The following PDCD6IP variants were observed in gnomAD, a reference collection of about 807,000 sequenced individuals.
PDCD6IP encodes programmed cell death 6-interacting protein.
PDCD6IP carries 43 observed loss-of-function variants against 103.7 expected under a neutral mutation model. The ratio of observed to expected loss-of-function variants is 0.41; its 90% CI spans 0.32 to 0.53. The LOEUF is 0.53. Ranked by LOEUF, PDCD6IP falls within the 20% of genes least tolerant of loss-of-function variation. The pLI is 0.16. For synonymous variants in PDCD6IP, 354 were observed against 378.7 expected (o/e 0.93, Z 0.76); for missense variants, 871 against 1,036.7 (o/e 0.84, Z 2.20).
In PDCD6IP at chr3:33,798,690, G is replaced by A. The variant is rs747888688; in HGVS notation, c.-39G>A. 2 of 1,497,338 alleles carry A rather than the reference G, an allele frequency of 1.3e-6. No homozygotes were observed. The highest frequency in any genetic ancestry group is 1.8e-6 in the Non-Finnish European group (2 of 1,111,864). 92.8% of individuals were successfully genotyped at this position (1,497,338 alleles called of 1,614,324 possible). The stretch of plus-strand genomic sequence containing the variant: ...TCTCCTCGGCCCTCGTAAGCTGTCC[G>A]CGGTCTGTTTGGCCCGAACGGCGGC... On this transcript the variant is annotated 5_prime_UTR_variant, in exon 1 of 18. Coordinates refer to ENST00000307296, the MANE Select transcript of PDCD6IP (RefSeq NM_013374.6).
chr3:33,863,800 T>C (rs1019946608), intron 15 of PDCD6IP: 17 of 540,758 alleles, frequency 3.1e-5, no homozygotes, highest in Non-Finnish European at 4.9e-5. Flanking sequence ...TGGATCATAT[T>C]GTAGATCTAG....
Position 33,842,219 on chromosome 3 carries a change from C to G in PDCD6IP, c.1359+145C>G, listed in dbSNP as rs185009051. On this transcript the variant is annotated intron_variant, in intron 10 of 17. Coordinates refer to ENST00000307296, the MANE Select transcript of PDCD6IP (RefSeq NM_013374.6). ...TGAATTTACTGTGGCCCAGAGCCTT[C>G]TCTTTAGCATAAGAGAAATTCTGGT... The G allele has an allele frequency of 1.4e-3, 745 of 533,068 alleles. 7 individuals are homozygous for G. Among genetic ancestry groups the G allele is most frequent in the African/African-American group, 0.012 (647 of 52,698 alleles). The allele number at this position is 533,068 out of a possible 1,614,324, so 33.0% of individuals were successfully genotyped here.
At chr3:33,863,210 A>G (rs1022886389) in intron 15 of PDCD6IP, among the ~76,000 whole-genome samples, 1 of 152,216 alleles carries the variant, frequency 6.6e-6, no homozygotes, top group African/African-American at 2.4e-5. Flanking sequence ...TTGATACATG[A>G]ATACAATGCA....
intron 14 of PDCD6IP, among the ~76,000 whole-genome samples, chr3:33,854,392 G>T (rs1575941902): frequency 6.6e-6 from 1 of 152,158 alleles, no homozygotes. Context: ...TGACTTTTAT[G>T]TTCTCTGCGG....
intron 12 of PDCD6IP, among the ~76,000 whole-genome samples, chr3:33,850,731 C>T (rs556547363): frequency 2.0e-5 from 3 of 152,196 alleles, no homozygotes; most frequent in African/African-American, 7.2e-5. Context: ...TCAAGTTCTG[C>T]TAGGTCTTTA....
intron 15 of PDCD6IP, among the ~76,000 whole-genome samples, chr3:33,861,355 C>G (rs1380833785): frequency 1.3e-5 from 2 of 152,146 alleles, no homozygotes; most frequent in Admixed American, 6.5e-5. Context: ...CTTGGCCAGA[C>G]TGGTCTTGAA....
At chr3:33,853,048 C>T (rs942743773) in intron 13 of PDCD6IP, among the ~76,000 whole-genome samples, 3 of 151,900 alleles carry the variant, frequency 2.0e-5, no homozygotes, top group Non-Finnish European at 2.9e-5. Flanking sequence ...TTCAGCCTCC[C>T]GAGTAGCTGG....
chr3:33,840,171 G>A (rs1400979922), intron 9 of PDCD6IP, among the ~76,000 whole-genome samples: 1 of 151,890 alleles, frequency 6.6e-6, no homozygotes, highest in Non-Finnish European at 1.5e-5. Context: ...CACATACTTT[G>A]TATATGTATT....
intron 7 of PDCD6IP, among the ~76,000 whole-genome samples, chr3:33,829,625 A>G (rs550832959): frequency 2.0e-5 from 3 of 152,160 alleles, no homozygotes; most frequent in Non-Finnish European, 4.4e-5. Context: ...AGCAGGAGCA[A>G]GAGCTGTTTG....
chr3:33,829,852 G>T (rs1301467128), intron 7 of PDCD6IP, among the ~76,000 whole-genome samples: 1 of 152,142 alleles, frequency 6.6e-6, no homozygotes, highest in Non-Finnish European at 1.5e-5. Context: ...GAATATCAAG[G>T]TGCTGGCATC....
At chr3:33,844,054 T>G in intron 10 of PDCD6IP, 58 bp from the exon 11 acceptor site, 1 of 1,001,428 alleles carries the variant, frequency 1.0e-6, no homozygotes, top group Non-Finnish European at 1.5e-6. Context: ...TTATTAAATG[T>G]ATTAAAGTTT....
intron 15 of PDCD6IP, among the ~76,000 whole-genome samples, chr3:33,859,467 T>C (rs1210131718): frequency 6.6e-6 from 1 of 151,216 alleles, no homozygotes; most frequent in Non-Finnish European, 1.5e-5. Flanking sequence ...ATTTACTTTA[T>C]TTAGAAAAGA....
chr3:33,801,740 A>G (rs896757099), intron 1 of PDCD6IP, among the ~76,000 whole-genome samples: 5 of 152,230 alleles, frequency 3.3e-5, no homozygotes, highest in African/African-American at 1.2e-4. Flanking sequence ...GGGTGATCAA[A>G]TGGGAACCCT....
chr3:33,861,147 ATT>A (rs71740776), intron 15 of PDCD6IP, among the ~76,000 whole-genome samples: 32 of 145,848 alleles, frequency 2.2e-4, no homozygotes, highest in Admixed American at 4.8e-4. Flanking sequence ...TCTAATCTGT[ATT>A]TTTTTTTTTT....
intron 15 of PDCD6IP, among the ~76,000 whole-genome samples, chr3:33,862,509 AT>A (rs1311464236): frequency 3.3e-5 from 5 of 152,186 alleles, no homozygotes; most frequent in African/African-American, 7.2e-5. Flanking sequence ...TTTGGGATAA[AT>A]TTCAATTTAC....
intron 15 of PDCD6IP, among the ~76,000 whole-genome samples, chr3:33,861,433 G>A (rs1363342914): frequency 6.6e-6 from 1 of 152,166 alleles, no homozygotes; most frequent in Non-Finnish European, 1.5e-5. Context: ...GAGCCACCGA[G>A]CCCGGCTTAA....
In PDCD6IP at chr3:33,867,300, A is replaced by G. The variant is rs966416029; in HGVS notation, c.*775A>G. The stretch of plus-strand genomic sequence containing the variant: ...CAAATAAACATACAAATAAATGTGT[A>G]TATTTAATGTTTTATTGTTAGCTTC... On this transcript the variant is annotated 3_prime_UTR_variant, in exon 18 of 18. Coordinates refer to ENST00000307296, the MANE Select transcript of PDCD6IP (RefSeq NM_013374.6). 2.0e-5 allele frequency: 3 copies of G among 152,238 alleles called. No homozygotes were observed. The highest frequency in any genetic ancestry group is 7.2e-5 in the African/African-American group (3 of 41,470). 9.4% of individuals were successfully genotyped at this position (152,238 alleles called of 1,614,324 possible).
chr3:33,835,467 A>C (rs1697325998), intron 7 of PDCD6IP: 2 of 369,202 alleles, frequency 5.4e-6, no homozygotes, highest in Non-Finnish European at 1.1e-5. Flanking sequence ...CTGTAATCCC[A>C]GCACTTTGGG....
At chr3:33,799,202 C>G (rs1485638768) in intron 1 of PDCD6IP, 4 of 550,440 alleles carry the variant, frequency 7.3e-6, no homozygotes, top group Non-Finnish European at 9.7e-6. Context: ...CTGGGAGCAG[C>G]AGTCTGCCCT....
Sources: allele counts gnomAD v4.1 joint callset (sites outside exome capture counted in the v4.1 genomes callset), GRCh38; gene constraint gnomAD v4.1.1; transcripts MANE v1.5; gene names NCBI Gene and HGNC (gene_info 2026-07-23, HGNC 2026-07-21).